Variants in ASIC2 observed in about 807,000 individuals in gnomAD.
The protein encoded by ASIC2 is acid-sensing ion channel 2.
ASIC2 carries 25 observed loss-of-function variants against 57.3 expected under a neutral mutation model. The observed-to-expected ratio is 0.44, with a 90% CI of 0.32 to 0.61. The LOEUF (loss-of-function observed/expected upper bound fraction) is 0.61. Ranked by LOEUF, ASIC2 falls within the 20% of genes least tolerant of loss-of-function variation. The probability of loss-of-function intolerance (pLI) is 0.06; values close to 1 mark genes in which losing one functional copy is unlikely to be tolerated. For missense variants in ASIC2, 641 were observed against 738.1 expected, an observed-to-expected ratio of 0.87 and a Z score of 1.52; for synonymous variants, 319 against 307.5, an observed-to-expected ratio of 1.04 and a Z score of -0.39.
chr17:33,506,238 CAA>C (rs533194191), intron 1 of ASIC2, among the ~76,000 whole-genome samples: 63,487 of 113,970 alleles, frequency 0.56, 15,190 homozygotes, highest in South Asian at 0.61. Flanking sequence ...ACTAAAAATA[CAA>C]AAAAAAAAAA....
chr17:33,775,982 A>T (rs2142124016), intron 1 of ASIC2, among the ~76,000 whole-genome samples: 1 of 152,126 alleles, frequency 6.6e-6, no homozygotes, highest in Middle Eastern at 3.4e-3. Flanking sequence ...AAAGTATAAA[A>T]ATTAGCCGGG....
chr17:33,592,072 A>G (rs1904843787), intron 1 of ASIC2, among the ~76,000 whole-genome samples: 1 of 152,130 alleles, frequency 6.6e-6, no homozygotes, highest in South Asian at 2.1e-4. Flanking sequence ...TCATCCCACA[A>G]GTGTCTTCTG....
chr17:33,164,917 C>G (rs941991046), intron 1 of ASIC2, among the ~76,000 whole-genome samples: 3 of 152,188 alleles, frequency 2.0e-5, no homozygotes, highest in Non-Finnish European at 4.4e-5. Flanking sequence ...GGGCCCCACT[C>G]TCTCTCTTTG....
chr17:33,417,438 C>T (rs1213339464), intron 1 of ASIC2, among the ~76,000 whole-genome samples: 1 of 152,114 alleles, frequency 6.6e-6, no homozygotes. Flanking sequence ...TTCTACCTAC[C>T]CGGCCAAGAC....
At chr17:33,969,571 C>T (rs1905165879) in intron 1 of ASIC2, among the ~76,000 whole-genome samples, 1 of 152,158 alleles carries the variant, frequency 6.6e-6, no homozygotes, top group African/African-American at 2.4e-5. Context: ...CATTAATGAG[C>T]CCATTACTAT....
Position 33,198,791 on chromosome 17 carries a change from C to T in ASIC2, c.709-86724G>A, listed in dbSNP as rs116058008. On this transcript the variant is annotated intron_variant, in intron 1 of 9. Coordinates refer to ENST00000225823, the MANE Select transcript of ASIC2 (RefSeq NM_183377.2). The stretch of plus-strand genomic sequence containing the variant: ...CAAATAAAGGTTTCTTCAAATGTCA[C>T]CATCCCAGCTAGGGTAAGATGCATG... Among the ~76,000 whole-genome samples the T allele has an allele frequency of 8.0e-3, 1,222 of 152,324 alleles. 15 individuals carry two copies. The highest frequency in any genetic ancestry group is 0.028 in the African/African-American group (1,149 of 41,574).
chr17:34,051,136 G>GA (rs781579688), intron 1 of ASIC2, among the ~76,000 whole-genome samples: 9 of 152,176 alleles, frequency 5.9e-5, no homozygotes, highest in East Asian at 1.9e-4. Context: ...GAACAGCAGA[G>GA]AAAAAAGAGT....
chr17:33,145,200 G>A (rs917240288), intron 1 of ASIC2, among the ~76,000 whole-genome samples: 1 of 152,204 alleles, frequency 6.6e-6, no homozygotes, highest in Non-Finnish European at 1.5e-5. Flanking sequence ...GGCAGGCCTG[G>A]GTGGACTGGG....
At chr17:33,682,908 A>G (rs1484880893) in intron 1 of ASIC2, among the ~76,000 whole-genome samples, 1 of 152,246 alleles carries the variant, frequency 6.6e-6, no homozygotes, top group African/African-American at 2.4e-5. Flanking sequence ...AAGCACTTCA[A>G]CATCTGCCCA....
chr17:34,017,284 C>T (rs923324561), intron 1 of ASIC2, among the ~76,000 whole-genome samples: 1 of 152,178 alleles, frequency 6.6e-6, no homozygotes, highest in Non-Finnish European at 1.5e-5. Flanking sequence ...ATGAATCTCA[C>T]TTATATAAGA....
At chr17:33,651,137 A>C (rs1414330246) in intron 1 of ASIC2, among the ~76,000 whole-genome samples, 1 of 152,180 alleles carries the variant, frequency 6.6e-6, no homozygotes, top group East Asian at 1.9e-4. Context: ...AAACACACAC[A>C]CACACACACA....
At chr17:33,890,560 C>T (rs925638731) in intron 1 of ASIC2, among the ~76,000 whole-genome samples, 1 of 152,318 alleles carries the variant, frequency 6.6e-6, no homozygotes, top group Admixed American at 6.5e-5. Flanking sequence ...ACTTGTCCAC[C>T]TTCACCAGCC....
intron 1 of ASIC2, among the ~76,000 whole-genome samples, chr17:33,179,647 C>G (rs1019577007): frequency 4.3e-4 from 65 of 152,206 alleles, no homozygotes; most frequent in African/African-American, 1.5e-3. Flanking sequence ...CTCCTTACAA[C>G]CCCACAGGTA....
intron 1 of ASIC2, among the ~76,000 whole-genome samples, chr17:34,058,058 A>G (rs941288315): frequency 6.6e-6 from 1 of 152,214 alleles, no homozygotes; most frequent in Admixed American, 6.5e-5. Flanking sequence ...TCTAAAGCCT[A>G]ACTCAACTTT....
intron 1 of ASIC2, among the ~76,000 whole-genome samples, chr17:33,470,530 GGTCTGGA>G (rs1913014558): frequency 6.6e-6 from 1 of 152,132 alleles, no homozygotes; most frequent in African/African-American, 2.4e-5. Flanking sequence ...CTGATTCAGG[GGTCTGGA>G]GTGAGGCCTG....
At chr17:33,771,418 T>C (rs1911105810) in intron 1 of ASIC2, among the ~76,000 whole-genome samples, 1 of 152,242 alleles carries the variant, frequency 6.6e-6, no homozygotes, top group African/African-American at 2.4e-5. Flanking sequence ...CTGGATTTTC[T>C]TTCTGACTCT....
intron 1 of ASIC2, among the ~76,000 whole-genome samples, chr17:33,584,837 A>G (rs1156280732): frequency 6.6e-6 from 1 of 152,126 alleles, no homozygotes; most frequent in Non-Finnish European, 1.5e-5. Flanking sequence ...ACTAACAGGA[A>G]CTGCCTGGCA....
intron 1 of ASIC2, among the ~76,000 whole-genome samples, chr17:33,991,272 T>C: frequency 6.6e-6 from 1 of 152,194 alleles, no homozygotes; most frequent in Middle Eastern, 3.2e-3. Flanking sequence ...ACCCCTCTTT[T>C]GCTTTACTGA....
At chr17:34,047,597 T>C (rs1220435679) in intron 1 of ASIC2, among the ~76,000 whole-genome samples, 1 of 151,936 alleles carries the variant, frequency 6.6e-6, no homozygotes, top group Non-Finnish European at 1.5e-5. Flanking sequence ...TCCATGCCCT[T>C]TGCGGCATGA....
Sources: allele counts gnomAD v4.1 joint callset (sites outside exome capture counted in the v4.1 genomes callset), GRCh38; gene constraint gnomAD v4.1.1; transcripts MANE v1.5; gene names NCBI Gene and HGNC (gene_info 2026-07-23, HGNC 2026-07-21).